The following DAB2 variants were observed in gnomAD, a reference collection of about 807,000 sequenced individuals.
The protein encoded by DAB2 is DAB adaptor protein 2, also known as disabled homolog 2.
DAB2 carries 28 observed loss-of-function variants against 71.6 expected under a neutral mutation model. That is an observed-to-expected ratio of 0.39 (90% CI 0.29 to 0.54). DAB2 has a LOEUF of 0.54. Among genes scored for constraint, DAB2 ranks in the 20% least tolerant of loss-of-function variants. The pLI, the probability that DAB2 is intolerant of heterozygous loss-of-function variation, is 0.68. For synonymous variants in DAB2, 345 were observed against 339.7 expected (o/e 1.02, Z -0.17); for missense variants, 867 against 928.8 (o/e 0.93, Z 0.86).
intron 1 of DAB2, among the ~76,000 whole-genome samples, chr5:39,420,082 G>T (rs1200168039): frequency 1.3e-5 from 2 of 152,190 alleles, no homozygotes; most frequent in African/African-American, 4.8e-5. Context: ...AGAGTTTGCA[G>T]TTCTGACAGG....
chr5:39,418,439 A>G (rs1456312521), intron 1 of DAB2: 1 of 152,214 alleles, frequency 6.6e-6, no homozygotes, highest in Non-Finnish European at 1.5e-5. Context: ...TTAAAATATA[A>G]AAAAATAAGT....
At chr5:39,392,922 C>G (rs1755269405) in intron 3 of DAB2, among the ~76,000 whole-genome samples, 2 of 152,218 alleles carry the variant, frequency 1.3e-5, no homozygotes, top group Admixed American at 1.3e-4. Context: ...ATTCCGTGCT[C>G]TCCACATATA....
At position 39,376,861 on chromosome 5, in the gene DAB2, T is replaced by A. The variant is rs1364304702; in HGVS notation, c.1926A>T (p.Pro642=). 2 of 1,613,928 alleles carry A rather than the reference T, an allele frequency of 1.2e-6. No homozygotes were observed. Among genetic ancestry groups the A allele is most frequent in the Non-Finnish European group, 1.7e-6 (2 of 1,179,988 alleles). Residue 642 remains proline, a synonymous_variant, in exon 12 of 15, where the codon CCA becomes CCT. Transcript: ENST00000320816. Reference sequence around the variant, plus strand: ...CATCCTTGATCTCTTTATCCCCAAGTGGGTCTAAGGCAGTGAAGGCATCAC... The same window carrying A: ...CATCCTTGATCTCTTTATCCCCAAGAGGGTCTAAGGCAGTGAAGGCATCAC... ...ISSDAFTALD[P]LGDKEIKDVK...
rs1579895063 is a variant in DAB2, at chr5:39,373,369, T to G, written c.*62A>C. The G allele has an allele frequency of 6.6e-6, 1 of 152,482 alleles. No homozygotes were observed. Among genetic ancestry groups the G allele is most frequent in the Non-Finnish European group, 1.5e-5 (1 of 68,012 alleles). 9.4% of individuals were successfully genotyped at this position (152,482 alleles called of 1,614,324 possible). On this transcript the variant is annotated 3_prime_UTR_variant, in exon 15 of 15. Transcript: ENST00000320816. ...AGAACGTGTCTGGCTATCAGCTTTG[T>G]TTTTGACTACTAAGGCCAACCTTTT... is the stretch of plus-strand genomic sequence containing the variant.
intron 1 of DAB2, among the ~76,000 whole-genome samples, chr5:39,411,703 A>G (rs973809842): frequency 2.0e-5 from 3 of 152,196 alleles, no homozygotes; most frequent in Non-Finnish European, 4.4e-5. Flanking sequence ...TTAAGTTCCT[A>G]ATCCAATCTT....
At chr5:39,394,582 G>T (rs558034696) in intron 1 of DAB2, among the ~76,000 whole-genome samples, 161 bp from the exon 2 acceptor site, 1 of 152,326 alleles carries the variant, frequency 6.6e-6, no homozygotes, top group South Asian at 2.1e-4. Flanking sequence ...AGGGGAGTGG[G>T]TAGGAGTGTT....
At chr5:39,416,676 TG>T (rs1294294141) in intron 1 of DAB2, among the ~76,000 whole-genome samples, 1 of 152,116 alleles carries the variant, frequency 6.6e-6, no homozygotes, top group Non-Finnish European at 1.5e-5. Flanking sequence ...TCAAGATGTG[TG>T]GTCTCAGGGA....
chr5:39,388,189 CAA>C, intron 9 of DAB2, 114 bp downstream of exon 9: 1 of 753,272 alleles, frequency 1.3e-6, no homozygotes, highest in Non-Finnish European at 2.3e-6. Context: ...ACTTCATTTG[CAA>C]AAATCAACAG....
intron 1 of DAB2, among the ~76,000 whole-genome samples, chr5:39,406,130 G>A (rs921773981): frequency 6.6e-6 from 1 of 152,162 alleles, no homozygotes; most frequent in African/African-American, 2.4e-5. Flanking sequence ...ATGGGCTGAA[G>A]TGGTCTGACA....
intron 1 of DAB2, chr5:39,417,396 T>C (rs1755872722): frequency 6.6e-6 from 1 of 152,190 alleles, no homozygotes. Flanking sequence ...CTATGCCACC[T>C]GTACTGTTTC....
rs1397809271 is a variant in DAB2 at position 39,392,436 on chromosome 5, C to T, written c.259G>A (p.Gly87Arg). Residue 87 changes from glycine to arginine, a missense_variant, in exon 4 of 15, where the codon GGA becomes AGA. By Grantham distance (125) the Gly-to-Arg change is moderately radical. Transcript: ENST00000320816. ...ACCCAGATCCTTTGTTTGTGTTGTC[C>T]CTGAGACCGACCAGCTGCCGCCATT... is the stretch of plus-strand genomic sequence containing the variant. ...KGMAAAGRSQ[G>R]QHKQRIWVNI... The T allele has an allele frequency of 1.9e-6, 3 of 1,613,946 alleles. No individual in the cohort carries two copies. Among genetic ancestry groups the T allele is most frequent in the Non-Finnish European group, 2.5e-6 (3 of 1,179,904 alleles).
At chr5:39,380,077 T>G (rs1754943442) in intron 11 of DAB2, among the ~76,000 whole-genome samples, 1 of 152,196 alleles carries the variant, frequency 6.6e-6, no homozygotes. Flanking sequence ...AGACATTGCA[T>G]TGCAAGCACT....
chr5:39,385,352 C>G (rs891321056), intron 9 of DAB2: 3 of 152,128 alleles, frequency 2.0e-5, no homozygotes, highest in African/African-American at 7.2e-5. Context: ...TGGTAGAGTT[C>G]TCGTTTTCAA....
intron 11 of DAB2, among the ~76,000 whole-genome samples, 177 bp downstream of exon 11, chr5:39,381,277 A>G (rs1754974134): frequency 6.6e-6 from 1 of 152,174 alleles, no homozygotes; most frequent in South Asian, 2.1e-4. Flanking sequence ...TGTGAGTTAC[A>G]AGTCAAGAAT....
rs1372185592 is a variant in DAB2, at chr5:39,420,737, G to A, written c.-102+4067C>T. 3.9e-5 allele frequency among the ~76,000 whole-genome samples: 6 copies of A among 152,250 alleles called. 2 individuals carry two copies. The highest frequency in any genetic ancestry group is 3.9e-4 in the Admixed American group (6 of 15,298). Reference sequence around the variant, plus strand: ...TATTGGGATTAAAATAAGTTTGGAGGGGGTGATATAAGTAGAGAGGAGATT... The same window carrying A: ...TATTGGGATTAAAATAAGTTTGGAGAGGGTGATATAAGTAGAGAGGAGATT... On this transcript the variant is annotated intron_variant, in intron 1 of 14. Transcript: ENST00000320816.
Position 39,382,725 on chromosome 5 carries a change from C to G in DAB2, c.1234G>C (p.Val412Leu), listed in dbSNP as rs147429919. 6.2e-7 allele frequency: 1 copy of G among 1,614,156 alleles called. No individual in the cohort carries two copies. Among genetic ancestry groups the G allele is most frequent in the South Asian group, 1.1e-5 (1 of 91,084 alleles). The change falls in exon 10 of 15, where the codon GTA becomes CTA. Residue 412 changes from valine (V) to leucine (L), a missense_variant. Val to Leu is a conservative substitution (Grantham distance 32). This residue lies in a region of DAB2 where 740 missense variants were observed against 734.3 expected (regional missense o/e 1.01). Coordinates refer to ENST00000320816, the MANE Select transcript of DAB2 (RefSeq NM_001343.4). ...ACAGAGCTTTCCAAGTCCTGCTTTA[C>G]GCCATTCTGTATGGACAGTCCTTTG... ...PPKGLSIQNG[V>L]KQDLESSVQS...
rs934032065 is a variant in DAB2, at chr5:39,422,030, A to C, written c.-102+2774T>G. Reference sequence around the variant, plus strand: ...GGCTGCAGTGGGTCAAGTTCATGCCAGTGTACTCCAGCATGGGCAACAGAG... The same window carrying C: ...GGCTGCAGTGGGTCAAGTTCATGCCCGTGTACTCCAGCATGGGCAACAGAG... On this transcript the variant is annotated intron_variant, in intron 1 of 14. Coordinates refer to ENST00000320816, the MANE Select transcript of DAB2 (RefSeq NM_001343.4). This position sits in a 1 kb window ranked among gnomAD's most constrained non-coding sequence, Gnocchi z 4.1. 6.6e-6 allele frequency among the ~76,000 whole-genome samples: 1 copy of C among 152,144 alleles called. No individual in the cohort carries two copies.
chr5:39,385,941 C>A (rs144367691), intron 9 of DAB2, among the ~76,000 whole-genome samples: 24 of 152,308 alleles, frequency 1.6e-4, no homozygotes, highest in African/African-American at 5.1e-4. Context: ...AAGCTTTTAG[C>A]ATCGATTTTT....
intron 1 of DAB2, among the ~76,000 whole-genome samples, chr5:39,413,271 A>T (rs892650692): frequency 2.0e-5 from 3 of 152,160 alleles, no homozygotes; most frequent in Admixed American, 1.3e-4. Flanking sequence ...AAGGTTAAGG[A>T]CTAACAATCT....
Sources: allele counts gnomAD v4.1 joint callset (sites outside exome capture counted in the v4.1 genomes callset), GRCh38; gene constraint gnomAD v4.1.1; regional missense constraint gnomAD v4.1.1; non-coding constraint Gnocchi (gnomAD v3.1); transcripts MANE v1.5; gene names NCBI Gene and HGNC (gene_info 2026-07-23, HGNC 2026-07-21).